Variants in ALLC observed in about 807,000 individuals in gnomAD.
ALLC encodes allantoicase.
ALLC carries 40 observed loss-of-function variants against 45.0 expected under a neutral mutation model. That is an observed-to-expected ratio of 0.89 (90% CI 0.69 to 1.16). The LOEUF (loss-of-function observed/expected upper bound fraction) is 1.16, where lower values mean the gene tolerates loss of function less well. ALLC is among the 50% of genes most tolerant of loss of function. ALLC has a pLI of 0.00. For synonymous variants in ALLC, 176 were observed against 178.1 expected, an observed-to-expected ratio of 0.99 and a Z score of 0.09; for missense variants, 488 against 493.1, an observed-to-expected ratio of 0.99 and a Z score of 0.10.
At chr2:3,685,822 A>G (rs1003997066) in intron 7 of ALLC, among the ~76,000 whole-genome samples, 1 of 150,972 alleles carries the variant, frequency 6.6e-6, no homozygotes, top group African/African-American at 2.4e-5. Flanking sequence ...GCCCATTTAT[A>G]AATTATTTTT....
chr2:3,666,396 G>A (rs1435965433), intron 1 of ALLC, among the ~76,000 whole-genome samples: 2 of 152,250 alleles, frequency 1.3e-5, no homozygotes, highest in East Asian at 1.9e-4. Context: ...CCAGCACTGC[G>A]TGATTTTGCG....
intron 1 of ALLC, among the ~76,000 whole-genome samples, chr2:3,660,903 G>GATCTGAATGAGTCAGGGTGGAGCAGGT (rs1666558668): frequency 1.3e-5 from 2 of 152,090 alleles, no homozygotes; most frequent in Admixed American, 1.3e-4. Flanking sequence ...TGGAGCAGGT[G>GATCTGAATGAGTCAGGGTGGAGCAGGT]ATCAAAAAAG....
At chr2:3,685,776 A>G (rs1667322358) in intron 7 of ALLC, among the ~76,000 whole-genome samples, 1 of 151,050 alleles carries the variant, frequency 6.6e-6, no homozygotes, top group Non-Finnish European at 1.5e-5. Context: ...GCCCATTTGT[A>G]TGCCTTCTTT....
At chr2:3,684,684 A>T (rs1480013568) in intron 7 of ALLC, among the ~76,000 whole-genome samples, 1 of 152,198 alleles carries the variant, frequency 6.6e-6, no homozygotes, top group Admixed American at 6.5e-5. Context: ...CTTCATTTAG[A>T]ATAATGGTCT....
intron 1 of ALLC, among the ~76,000 whole-genome samples, chr2:3,670,395 C>T (rs12711962): frequency 0.22 from 33,927 of 152,112 alleles, 3,996 homozygotes; most frequent in African/African-American, 0.28. Flanking sequence ...GGCTTAGGGG[C>T]GGGGAGGCTC....
the ALLC span, among the ~76,000 whole-genome samples, chr2:3,648,461 G>A: frequency 2.6e-5 from 4 of 152,260 alleles, no homozygotes; most frequent in Admixed American, 2.0e-4. Context: ...CCTGCACGGC[G>A]GCATCCACTG....
intron 1 of ALLC, among the ~76,000 whole-genome samples, chr2:3,659,948 C>T (rs1172109900): frequency 2.0e-5 from 3 of 152,248 alleles, no homozygotes; most frequent in South Asian, 2.1e-4. Context: ...AACGGTCTCT[C>T]CTTTCTCACA....
chr2:3,701,558 T>G lies in ALLC; in HGVS notation c.897T>G (p.Thr299=), dbSNP rs767984382. The part of the protein sequence containing the change: ...SCKVDGCILT[T]QEEEAVIRQK... ...AAGTGGATGGGTGCATCCTGACAACTCAGGAAGAAGAAGCCGTGATCAGGC... is the reference window on the plus strand; with the variant it reads ...AAGTGGATGGGTGCATCCTGACAACGCAGGAAGAAGAAGCCGTGATCAGGC... Residue 299 remains threonine, a synonymous_variant, in exon 11 of 12, where the codon ACT becomes ACG. Coordinates refer to ENST00000252505, the MANE Select transcript of ALLC (RefSeq NM_018436.4). 3.6e-5 allele frequency: 56 copies of G among 1,568,318 alleles called. No individual in the cohort carries two copies. The highest frequency in any genetic ancestry group is 4.6e-5 in the Non-Finnish European group (53 of 1,162,532).
At chr2:3,670,458 C>G (rs1666834533) in intron 1 of ALLC, among the ~76,000 whole-genome samples, 1 of 152,192 alleles carries the variant, frequency 6.6e-6, no homozygotes, top group Admixed American at 6.5e-5. Context: ...TCCATTTCTC[C>G]AAGTCTCTGC....
Position 3,702,315 on chromosome 2 carries a change from A to G in ALLC, c.976-48A>G, listed in dbSNP as rs777545458. 3 of 1,572,470 alleles carry G rather than the reference A, an allele frequency of 1.9e-6. No individual in the cohort carries two copies. In the African/African-American group the frequency reaches 4.1e-5, roughly 21 times the overall value. ...CCGGGCCGTGGGCTCATTCGGCCAC[A>G]CATGTCCTGTTAACAGACTAGGACC... On this transcript the variant is annotated intron_variant, in intron 11 of 11. Transcript: ENST00000252505.
rs1339044994 is a variant in ALLC at position 3,680,795 on chromosome 2, G to A, written c.298+801G>A. Among the ~76,000 whole-genome samples the A allele has an allele frequency of 2.0e-5, 3 of 152,126 alleles. No homozygotes were observed. The highest frequency in any genetic ancestry group is 4.4e-5 in the Non-Finnish European group (3 of 68,030). ...GTGCGTCACAGCCTCTGATTTGTGC[G>A]ATAATATCAAGGTTGACATGTTCTG... is the stretch of plus-strand genomic sequence containing the variant. On this transcript the variant is annotated intron_variant, in intron 5 of 11. Transcript: ENST00000252505. The surrounding 1 kb of genome is among the most constrained non-coding windows in gnomAD (Gnocchi z 4.0).
At chr2:3,655,492 A>G (rs149586665), upstream of ALLC, among the ~76,000 whole-genome samples, 722 of 152,282 alleles carry the variant, frequency 4.7e-3, 3 homozygotes, top group African/African-American at 0.016. Flanking sequence ...GTCTCACTCT[A>G]TTGCCCAGGC....
intron 3 of ALLC, among the ~76,000 whole-genome samples, chr2:3,675,645 A>AT (rs1371047913): frequency 3.9e-5 from 6 of 152,174 alleles, no homozygotes; most frequent in African/African-American, 1.4e-4. Context: ...ATGTGTATAT[A>AT]TAGTCACGCT....
chr2:3,671,110 G>C lies in ALLC; in HGVS notation c.-48G>C, dbSNP rs757096252. ...CTCCCTTCCAGGAAGCACGGCTGAT[G>C]CTCCGAAGGAGGGAAGACTGACCCG... On this transcript the variant is annotated 5_prime_UTR_variant, in exon 2 of 12. The change abolishes an upstream ATG in the 5' untranslated region. Coordinates refer to ENST00000252505, the MANE Select transcript of ALLC (RefSeq NM_018436.4). The C allele has an allele frequency of 8.8e-6, 14 of 1,597,944 alleles. No individual in the cohort carries two copies. Among genetic ancestry groups the C allele is most frequent in the Non-Finnish European group, 1.2e-5 (14 of 1,172,174 alleles).
rs1667128668 is a variant in ALLC at position 3,679,872 on chromosome 2, A to G, written c.176A>G (p.His59Arg). ...WETRRKRIPG[H>R]DWCVLRLGIQ... is the part of the protein sequence containing the mutation. ...TCTTGTCCTCTGTGTTGCGCAGGTC[A>G]CGACTGGTGTGTCCTCAGGCTGGGG... The change falls in exon 5 of 12, where the codon CAC (histidine) becomes CGC (arginine). Residue 59 changes from histidine (H) to arginine (R), a missense_variant. Coordinates refer to ENST00000252505, the MANE Select transcript of ALLC (RefSeq NM_018436.4). 6.2e-7 allele frequency: 1 copy of G among 1,613,776 alleles called. No individual in the cohort carries two copies. The highest frequency in any genetic ancestry group is 1.3e-5 in the African/African-American group (1 of 74,932).
At chr2:3,667,587 T>C (rs1666761178) in intron 1 of ALLC, among the ~76,000 whole-genome samples, 1 of 152,214 alleles carries the variant, frequency 6.6e-6, no homozygotes, top group South Asian at 2.1e-4. Flanking sequence ...AGCATGTGAA[T>C]GATACCAAAA....
chr2:3,650,998 T>A, the ALLC span, among the ~76,000 whole-genome samples: 1 of 152,198 alleles, frequency 6.6e-6, no homozygotes, highest in Non-Finnish European at 1.5e-5. Flanking sequence ...GAATCTGATC[T>A]GCAAAGTAGG....
At chr2:3,686,301 A>G (rs1178326301) in intron 7 of ALLC, among the ~76,000 whole-genome samples, 2 of 150,690 alleles carry the variant, frequency 1.3e-5, no homozygotes, top group African/African-American at 4.8e-5. Context: ...GTTGATTTAT[A>G]TCTGGGTTCT....
chr2:3,651,881 G>A, the ALLC span, among the ~76,000 whole-genome samples: 2 of 152,140 alleles, frequency 1.3e-5, no homozygotes, highest in African/African-American at 2.4e-5. Context: ...CGCCGTAGAA[G>A]GCAACTCAAG....
Sources: allele counts gnomAD v4.1 joint callset (sites outside exome capture counted in the v4.1 genomes callset), GRCh38; gene constraint gnomAD v4.1.1; non-coding constraint Gnocchi (gnomAD v3.1); transcripts MANE v1.5; gene names NCBI Gene and HGNC (gene_info 2026-07-23, HGNC 2026-07-21).